Variants in OAS2 observed in about 807,000 individuals in gnomAD.
OAS2 encodes the protein 2'-5'-oligoadenylate synthase 2.
OAS2 carries 67 observed loss-of-function variants against 71.3 expected under a neutral mutation model. The ratio of observed to expected loss-of-function variants is 0.94; its 90% CI spans 0.77 to 1.15. The LOEUF (loss-of-function observed/expected upper bound fraction) is 1.15. Among genes scored for constraint, OAS2 ranks in the 50% most tolerant of loss-of-function variants. The pLI, the probability that OAS2 is intolerant of heterozygous loss-of-function variation, is 0.00. For synonymous variants in OAS2, 327 were observed against 321.8 expected, an observed-to-expected ratio of 1.02 and a Z score of -0.17; for missense variants, 789 against 822.5, an observed-to-expected ratio of 0.96 and a Z score of 0.50.
chr12:112,998,041 A>C (rs956719212), intron 4 of OAS2, among the ~76,000 whole-genome samples: 1 of 152,214 alleles, frequency 6.6e-6, no homozygotes, highest in Non-Finnish European at 1.5e-5. Flanking sequence ...GGGGGCAGGA[A>C]GAGGAGACCA....
chr12:112,995,985 A>G (rs1201804094), intron 3 of OAS2, among the ~76,000 whole-genome samples: 1 of 152,010 alleles, frequency 6.6e-6, no homozygotes, highest in Non-Finnish European at 1.5e-5. Context: ...TATTTTTTGT[A>G]GAGATGAGGT....
At chr12:113,005,762 A>G (rs995262038) in intron 7 of OAS2, among the ~76,000 whole-genome samples, 2 of 151,208 alleles carry the variant, frequency 1.3e-5, no homozygotes, top group South Asian at 4.2e-4. Context: ...ATGGTGGCAC[A>G]CGCCTGTAGT....
intron 1 of OAS2, among the ~76,000 whole-genome samples, chr12:112,981,669 T>C (rs2044084285): frequency 6.6e-6 from 1 of 152,204 alleles, no homozygotes; most frequent in South Asian, 2.1e-4. Flanking sequence ...TTTGTTCTTT[T>C]TCCTCAGTAC....
Position 113,007,749 on chromosome 12 carries a change from T to C in OAS2, c.1701T>C (p.Tyr567=), listed in dbSNP as rs971935044. 2 of 1,614,002 alleles carry C rather than the reference T, an allele frequency of 1.2e-6. No individual in the cohort carries two copies. The highest frequency in any genetic ancestry group is 1.7e-6 in the Non-Finnish European group (2 of 1,179,992). ...LKPKGSLPPK[Y]ALELLTIYAW... is the part of the protein sequence containing the mutation. The stretch of plus-strand genomic sequence containing the variant: ...CAAAGGGGTCTTTGCCCCCAAAGTA[T>C]GCCTTGGAGCTGCTCACCATCTATG... Residue 567 remains tyrosine (Y), a synonymous_variant, in exon 9 of 10, where the codon TAT becomes TAC. Transcript: ENST00000392583.
intron 5 of OAS2, 70 bp from the exon 6 acceptor site, chr12:113,002,862 A>C (rs773227838): frequency 6.9e-7 from 1 of 1,444,582 alleles, no homozygotes; most frequent in African/African-American, 1.4e-5. Context: ...GGCCCAGTAC[A>C]GGCAGGAAAA....
chr12:112,982,734 G>A (rs2044095701), intron 1 of OAS2, among the ~76,000 whole-genome samples: 1 of 152,166 alleles, frequency 6.6e-6, no homozygotes, highest in South Asian at 2.1e-4. Flanking sequence ...TTTTGGAATA[G>A]TTTGAGAAGA....
At chr12:112,981,109 T>C (rs192992528) in intron 1 of OAS2, among the ~76,000 whole-genome samples, 211 of 152,308 alleles carry the variant, frequency 1.4e-3, no homozygotes, top group Non-Finnish European at 2.6e-3. Flanking sequence ...TTGTATATTC[T>C]GGATATTAAA....
chr12:113,005,615 C>G (rs1037214561), intron 7 of OAS2, among the ~76,000 whole-genome samples: 3 of 151,548 alleles, frequency 2.0e-5, no homozygotes, highest in African/African-American at 7.3e-5. Flanking sequence ...CACCTGTAAT[C>G]CCAGTATCTT....
At chr12:112,996,477 T>C (rs1406389944) in intron 3 of OAS2, among the ~76,000 whole-genome samples, 2 of 152,082 alleles carry the variant, frequency 1.3e-5, no homozygotes, top group African/African-American at 4.8e-5. Flanking sequence ...TATACTCCCA[T>C]CAGCAAGATG....
intron 1 of OAS2, among the ~76,000 whole-genome samples, chr12:112,979,483 G>A (rs996368866): frequency 6.6e-6 from 1 of 152,194 alleles, no homozygotes; most frequent in African/African-American, 2.4e-5. Flanking sequence ...TAGACACGTG[G>A]TGTCCCCAGC....
rs766146526 is a variant in OAS2, at chr12:112,978,591, G to C, written c.-18G>C. 6 of 1,613,040 alleles carry C rather than the reference G, an allele frequency of 3.7e-6. No homozygotes were observed. The East Asian group carries it at 1.1e-4, about 30-fold the overall frequency. On this transcript the variant is annotated 5_prime_UTR_variant, in exon 1 of 10. Transcript: ENST00000392583. This position sits in a 1 kb window ranked among gnomAD's most constrained non-coding sequence, Gnocchi z 4.2. ...CCATCCTACCATTCACTGTCTTGCC[G>C]GCAGCCAGCTGAGAGCAATGGGAAA...
At chr12:112,996,210 T>C (rs2044230998) in intron 3 of OAS2, among the ~76,000 whole-genome samples, 1 of 152,148 alleles carries the variant, frequency 6.6e-6, no homozygotes. Flanking sequence ...AATTTTCAAA[T>C]AGATGATTGG....
At position 112,995,375 on chromosome 12, in the gene OAS2, G is replaced by A. The variant is rs1446125982; in HGVS notation, c.528G>A (p.Glu176=). 1.2e-6 allele frequency: 2 copies of A among 1,614,034 alleles called. No individual in the cohort carries two copies. Among genetic ancestry groups the A allele is most frequent in the South Asian group, 1.1e-5 (1 of 91,088 alleles). The change falls in exon 3 of 10, where the codon GAG becomes GAA. Residue 176 remains glutamate, a synonymous_variant. Coordinates refer to ENST00000392583, the MANE Select transcript of OAS2 (RefSeq NM_002535.3). ...SLDKTNASPG[E]FAVCFTELQQ... ...ATAAGACAAATGCCAGTCCTGGTGA[G>A]TTTGCAGTCTGCTTCACTGAACTCC...
intron 1 of OAS2, among the ~76,000 whole-genome samples, chr12:112,984,493 T>C (rs2044114293): frequency 6.6e-6 from 1 of 152,216 alleles, no homozygotes; most frequent in African/African-American, 2.4e-5. Flanking sequence ...AGGCAGCATA[T>C]AGTTGGACCT....
chr12:113,006,701 C>T, intron 8 of OAS2, 101 bp downstream of exon 8: 1 of 1,036,456 alleles, frequency 9.6e-7, no homozygotes, highest in Non-Finnish European at 1.4e-6. Flanking sequence ...GAGGGCTGAG[C>T]CACTTTGGAG....
rs187708511 is a variant in OAS2 at position 112,984,609 on chromosome 12, G to A, written c.178-2429G>A. ...GGTAACAACTTACTCCTGTCATTTTGTTATTTGTTTTGATTGTTTTGTACA... is the reference window on the plus strand; with the variant it reads ...GGTAACAACTTACTCCTGTCATTTTATTATTTGTTTTGATTGTTTTGTACA... On this transcript the variant is annotated intron_variant, in intron 1 of 9. Transcript: ENST00000392583. 2.2e-4 allele frequency among the ~76,000 whole-genome samples: 33 copies of A among 152,204 alleles called. No homozygotes were observed. The East Asian group carries it at 6.2e-3, about 28-fold the overall frequency.
chr12:112,978,837 G>A lies in OAS2; in HGVS notation c.177+52G>A. 1 of 1,557,124 alleles carries A rather than the reference G, an allele frequency of 6.4e-7. No homozygotes were observed. The highest frequency in any genetic ancestry group is 8.7e-7 in the Non-Finnish European group (1 of 1,146,402). ...CTGGGAGGCAGGAGATTCCACGGCG[G>A]CAGCAAGGCCGAGCTACTGGGTGCT... On this transcript the variant is annotated intron_variant, in intron 1 of 9. Coordinates refer to ENST00000392583, the MANE Select transcript of OAS2 (RefSeq NM_002535.3). The surrounding 1 kb of genome is among the most constrained non-coding windows in gnomAD (Gnocchi z 4.2).
At chr12:112,982,793 CCAT>C (rs1288521228) in intron 1 of OAS2, among the ~76,000 whole-genome samples, 3 of 152,124 alleles carry the variant, frequency 2.0e-5, no homozygotes, top group Non-Finnish European at 4.4e-5. Flanking sequence ...AGCAGTAAAG[CCAT>C]CTAGTCCTGG....
At position 113,009,123 on chromosome 12, in the gene OAS2, C is replaced by T. The variant is rs745973965; in HGVS notation, c.1932C>T (p.Asp644=). 1.5e-5 allele frequency: 24 copies of T among 1,613,778 alleles called. No homozygotes were observed. Among genetic ancestry groups the T allele is most frequent in the East Asian group, 4.5e-5 (2 of 44,896 alleles). ...VILDPAEPTG[D]VGGGDRWCWH... ...TGGACCCAGCCGAACCCACAGGTGA[C>T]GTGGGTGGAGGGGACCGTTGGTGTT... The change falls in exon 10 of 10, where the codon GAC becomes GAT. Residue 644 remains aspartate, a synonymous_variant. Transcript: ENST00000392583.
Sources: allele counts gnomAD v4.1 joint callset (sites outside exome capture counted in the v4.1 genomes callset), GRCh38; gene constraint gnomAD v4.1.1; non-coding constraint Gnocchi (gnomAD v3.1); transcripts MANE v1.5; gene names NCBI Gene and HGNC (gene_info 2026-07-23, HGNC 2026-07-21).